The following CNIH2 variants were observed in gnomAD, a reference collection of about 807,000 sequenced individuals.
CNIH2 encodes cornichon family AMPA receptor auxiliary protein 2, also known as protein cornichon homolog 2.
A neutral mutation model predicts 22.9 loss-of-function variants in CNIH2; 8 were observed. The ratio of observed to expected loss-of-function variants is 0.35; its 90% CI spans 0.20 to 0.63. The LOEUF (loss-of-function observed/expected upper bound fraction) is 0.63. Among genes scored for constraint, CNIH2 ranks in the 30% least tolerant of loss-of-function variants. The pLI, the probability that CNIH2 is intolerant of heterozygous loss-of-function variation, is 0.72. For synonymous variants in CNIH2, 74 were observed against 78.2 expected (o/e 0.95, Z 0.28); for missense variants, 105 against 206.2 (o/e 0.51, Z 3.01).
In CNIH2 at chr11:66,283,889, T is replaced by C. The variant is rs1363099868; in HGVS notation, c.*292T>C. 1 of 388,726 alleles carries C rather than the reference T, an allele frequency of 2.6e-6. No homozygotes were observed. Among genetic ancestry groups the C allele is most frequent in the African/African-American group, 2.1e-5 (1 of 48,642 alleles). The allele number at this position is 388,726 out of a possible 1,614,324, so 24.1% of individuals were successfully genotyped here. On this transcript the variant is annotated 3_prime_UTR_variant, in exon 6 of 6. Coordinates refer to ENST00000311445, the MANE Select transcript of CNIH2 (RefSeq NM_182553.3). The stretch of plus-strand genomic sequence containing the variant: ...GGGGCAGGACCTCCGGCCTTGTCCA[T>C]TTCGGGGGAAACTTGGGCCCTGCCA...
chr11:66,281,331 A>T (rs374619826), intron 1 of CNIH2: 102 of 454,852 alleles, frequency 2.2e-4, no homozygotes, highest in African/African-American at 1.6e-3. Flanking sequence ...CAGCTTCCTC[A>T]TCTGCAAAAC....
Position 66,282,726 on chromosome 11 carries a change from C to T in CNIH2, c.151-7C>T, listed in dbSNP as rs371370187. Reference sequence around the variant, plus strand: ...ACCCCATCGCGGCCTTTTCCTTCCCCCAACAGCGCGAGCGTTTAAAAAACA... The same window carrying T: ...ACCCCATCGCGGCCTTTTCCTTCCCTCAACAGCGCGAGCGTTTAAAAAACA... On this transcript the variant is annotated splice_region_variant and splice_polypyrimidine_tract_variant and intron_variant, in intron 2 of 5. Transcript: ENST00000311445. 1.2e-6 allele frequency: 2 copies of T among 1,613,742 alleles called. No individual in the cohort carries two copies. Among genetic ancestry groups the T allele is most frequent in the Non-Finnish European group, 1.7e-6 (2 of 1,179,958 alleles).
chr11:66,281,958 C>T (rs967450508), intron 1 of CNIH2, among the ~76,000 whole-genome samples: 3 of 152,078 alleles, frequency 2.0e-5, no homozygotes, highest in Non-Finnish European at 4.4e-5. Flanking sequence ...GCCTCTGGAG[C>T]CCCAGTGCTC....
At chr11:66,282,130 C>T (rs973465699) in intron 1 of CNIH2, 129 bp from the exon 2 acceptor site, 1 of 800,356 alleles carries the variant, frequency 1.2e-6, no homozygotes, top group African/African-American at 1.7e-5. Context: ...CTCCCTGGAC[C>T]TCGGTTTCTC....
intron 2 of CNIH2, 104 bp from the exon 3 acceptor site, chr11:66,282,629 G>A: frequency 7.3e-7 from 1 of 1,372,822 alleles, no homozygotes; most frequent in African/African-American, 1.4e-5. Flanking sequence ...CAGTGCCGCA[G>A]AGATCGCTCT....
At chr11:66,282,194 G>T in intron 1 of CNIH2, 65 bp from the exon 2 acceptor site, 2 of 1,408,436 alleles carry the variant, frequency 1.4e-6, no homozygotes, top group East Asian at 2.3e-5. Flanking sequence ...CTATCCCACA[G>T]AAGGACTTGG....
Position 66,283,079 on chromosome 11 carries a change from G to A in CNIH2, c.243G>A (p.Met81Ile). The change falls in exon 4 of 6, where the codon ATG (methionine) becomes ATA (isoleucine). Residue 81 changes from methionine (M) to isoleucine (I), a missense_variant. Transcript: ENST00000311445. ...CCATCCACGGCCTCTTCTGTCTGAT[G>A]TTTCTGTGTGCAGCAGAGTGGGTGA... is the stretch of plus-strand genomic sequence containing the variant. Reference protein sequence around the residue: ...EYSIHGLFCLMFLCAAEWVTL... With the variant: ...EYSIHGLFCLIFLCAAEWVTL... 1.2e-6 allele frequency: 2 copies of A among 1,614,052 alleles called. No homozygotes were observed. The highest frequency in any genetic ancestry group is 1.7e-6 in the Non-Finnish European group (2 of 1,180,008).
At chr11:66,278,922 C>T (rs995623315) in intron 1 of CNIH2, among the ~76,000 whole-genome samples, 4 of 102,802 alleles carry the variant, frequency 3.9e-5, no homozygotes, top group East Asian at 6.3e-4. Context: ...GCTGCCCCCC[C>T]CCCCCCGCCT....
chr11:66,282,141 C>T, intron 1 of CNIH2, 118 bp from the exon 2 acceptor site: 1 of 898,818 alleles, frequency 1.1e-6, no homozygotes, highest in South Asian at 1.4e-5. Context: ...TCGGTTTCTC[C>T]ACCTTTGCAA....
At chr11:66,282,497 A>G in intron 2 of CNIH2, 170 bp downstream of exon 2, 1 of 932,826 alleles carries the variant, frequency 1.1e-6, no homozygotes. Context: ...CTCAGGGCTG[A>G]GTTCCTCTTG....
chr11:66,281,262 C>T (rs1857255034), intron 1 of CNIH2, among the ~76,000 whole-genome samples: 2 of 152,312 alleles, frequency 1.3e-5, no homozygotes, highest in South Asian at 4.1e-4. Flanking sequence ...TCTGGAGTCA[C>T]ACTGGGTTAG....
At chr11:66,282,163 T>G in intron 1 of CNIH2, 96 bp from the exon 2 acceptor site, 1 of 1,095,492 alleles carries the variant, frequency 9.1e-7, no homozygotes, top group East Asian at 2.4e-5. Flanking sequence ...AAGCTCCACC[T>G]GGCTGGTCCT....
At chr11:66,282,423 T>TG (rs962550476) in intron 2 of CNIH2, 96 bp downstream of exon 2, 526 of 152,180 alleles carry the variant, frequency 3.5e-3, no homozygotes, top group Admixed American at 0.012. Context: ...GGGGGTGGGG[T>TG]GGGGGGCCTA....
chr11:66,281,020 G>A (rs11227448), intron 1 of CNIH2, among the ~76,000 whole-genome samples: 26,511 of 152,064 alleles, frequency 0.17, 2,397 homozygotes, highest in East Asian at 0.27. Context: ...TGAGGACACT[G>A]CCGTCTGCCA....
intron 2 of CNIH2, 80 bp downstream of exon 2, chr11:66,282,407 G>GGGGGGGGGGGGGGA: frequency 5.7e-6 from 1 of 175,504 alleles, no homozygotes; most frequent in Non-Finnish European, 1.1e-5. Flanking sequence ...TGGGAGACGG[G>GGGGGGGGGGGGGGA]AAGACGGGGG....
At chr11:66,283,003 A>T (rs749494415) in intron 3 of CNIH2, 32 bp from the exon 4 acceptor site, 5 of 1,576,130 alleles carry the variant, frequency 3.2e-6, no homozygotes, top group Middle Eastern at 1.7e-4. Context: ...TCATAGCACC[A>T]GGCCGCTGAC....
rs1402825903 is a variant in CNIH2 at position 66,282,402 on chromosome 11, G to C, written c.150+75G>C. On this transcript the variant is annotated intron_variant, in intron 2 of 5. Transcript: ENST00000311445. The stretch of plus-strand genomic sequence containing the variant: ...CATCTGTCGTGGGCTGGGGGTGGGA[G>C]ACGGGAAGACGGGGGTGGGGTGGGG... 9 of 890,878 alleles carry C rather than the reference G, an allele frequency of 1.0e-5. No individual in the cohort carries two copies. The African/African-American group carries it at 1.4e-4, about 13-fold the overall frequency. The allele number at this position is 890,878 out of a possible 1,614,324, so 55.2% of individuals were successfully genotyped here.
At chr11:66,280,631 G>A (rs1342511796) in intron 1 of CNIH2, among the ~76,000 whole-genome samples, 1 of 152,292 alleles carries the variant, frequency 6.6e-6, no homozygotes, top group South Asian at 2.1e-4. Flanking sequence ...AGGCAGCCTG[G>A]GGGGTGGGAG....
In CNIH2 at chr11:66,282,285, C is replaced by T; in HGVS notation, c.108C>T (p.Thr36=). 1.2e-6 allele frequency: 2 copies of T among 1,613,836 alleles called. No individual in the cohort carries two copies. Among genetic ancestry groups the T allele is most frequent in the Non-Finnish European group, 1.7e-6 (2 of 1,180,012 alleles). Residue 36 remains threonine (T), a synonymous_variant, in exon 2 of 6, where the codon ACC becomes ACT. Transcript: ENST00000311445. ...WHIIAFDELR[T]DFKNPIDQGN... is the part of the protein sequence containing the mutation. Reference sequence around the variant, plus strand: ...TCATAGCCTTTGATGAGCTGCGGACCGACTTCAAGAACCCCATCGACCAGG... The same window carrying T: ...TCATAGCCTTTGATGAGCTGCGGACTGACTTCAAGAACCCCATCGACCAGG...
Sources: allele counts gnomAD v4.1 joint callset (sites outside exome capture counted in the v4.1 genomes callset), GRCh38; gene constraint gnomAD v4.1.1; transcripts MANE v1.5; gene names NCBI Gene and HGNC (gene_info 2026-07-23, HGNC 2026-07-21).